The following ARHGAP15 variants were observed in gnomAD, a reference collection of about 807,000 sequenced individuals.
ARHGAP15 encodes the protein Rho GTPase activating protein 15.
A neutral mutation model predicts 63.7 loss-of-function variants in ARHGAP15; 51 were observed. That is an observed-to-expected ratio of 0.80 (90% CI 0.64 to 1.01). The LOEUF (loss-of-function observed/expected upper bound fraction) is 1.01, where lower values mean the gene tolerates loss of function less well. Ranked by LOEUF, ARHGAP15 falls within the 50% of genes least tolerant of loss-of-function variation. The pLI is 0.00. For synonymous variants in ARHGAP15, 191 were observed against 193.8 expected, an observed-to-expected ratio of 0.99 and a Z score of 0.12; for missense variants, 560 against 564.6, an observed-to-expected ratio of 0.99 and a Z score of 0.08.
intron 12 of ARHGAP15, among the ~76,000 whole-genome samples, chr2:143,681,111 A>G (rs758463643): frequency 7.7e-4 from 117 of 152,282 alleles, no homozygotes; most frequent in Non-Finnish European, 3.5e-4. Flanking sequence ...GTTAAACACC[A>G]TATGTGATGG....
chr2:143,387,908 T>TGC (rs986187973), intron 6 of ARHGAP15, among the ~76,000 whole-genome samples: 1 of 133,140 alleles, frequency 7.5e-6, no homozygotes, highest in Non-Finnish European at 1.7e-5. Flanking sequence ...CACGCATGCC[T>TGC]GCACACACAC....
rs139259059 is a variant in ARHGAP15 at position 143,134,632 on chromosome 2, C to CT, written c.-15+5186dup. ...ATATATGAAATGCTGTATTCCTTTT[C>CT]TTTTTTTTTTTTTTTTTTTTGAGAC... On this transcript the variant is annotated intron_variant, in intron 1 of 13. Transcript: ENST00000295095. 5.7e-3 allele frequency among the ~76,000 whole-genome samples: 685 copies of CT among 119,408 alleles called. 4 individuals are homozygous for CT. The highest frequency in any genetic ancestry group is 0.014 in the South Asian group (56 of 3,892). The allele number at this position is 119,408 out of a possible 152,430, so 78.3% of individuals were successfully genotyped here.
chr2:143,136,794 A>G (rs1467941188), intron 1 of ARHGAP15, among the ~76,000 whole-genome samples: 1 of 152,042 alleles, frequency 6.6e-6, no homozygotes, highest in Admixed American at 6.5e-5. Flanking sequence ...TTGAGGTTCT[A>G]TTGATATACT....
intron 8 of ARHGAP15, among the ~76,000 whole-genome samples, chr2:143,440,270 G>A (rs2105102903): frequency 6.6e-6 from 1 of 152,276 alleles, no homozygotes; most frequent in African/African-American, 2.4e-5. Context: ...AATACCCTGT[G>A]TGAAACCCCT....
chr2:143,220,064 T>C (rs1369442956), intron 4 of ARHGAP15, among the ~76,000 whole-genome samples: 9 of 152,244 alleles, frequency 5.9e-5, no homozygotes, highest in Admixed American at 5.2e-4. Flanking sequence ...AAGAACATGA[T>C]AATCCCATTA....
intron 6 of ARHGAP15, among the ~76,000 whole-genome samples, chr2:143,377,141 A>G (rs1277324390): frequency 6.6e-6 from 1 of 152,088 alleles, no homozygotes; most frequent in Non-Finnish European, 1.5e-5. Flanking sequence ...AATGTATCTT[A>G]AAACATTTGG....
At chr2:143,403,996 A>G (rs920356720) in intron 6 of ARHGAP15, among the ~76,000 whole-genome samples, 6 of 151,650 alleles carry the variant, frequency 4.0e-5, no homozygotes, top group African/African-American at 1.5e-4. Context: ...GTAGATTGCA[A>G]TTTCTCTAGT....
intron 6 of ARHGAP15, among the ~76,000 whole-genome samples, chr2:143,329,777 C>T (rs1489753012): frequency 2.6e-5 from 4 of 151,862 alleles, no homozygotes; most frequent in African/African-American, 9.7e-5. Flanking sequence ...TTTGCACATA[C>T]ACACCCCCCT....
At chr2:143,337,073 CAGAG>C (rs1474916554) in intron 6 of ARHGAP15, among the ~76,000 whole-genome samples, 1 of 151,772 alleles carries the variant, frequency 6.6e-6, no homozygotes, top group Non-Finnish European at 1.5e-5. Flanking sequence ...TCAAGGAGGA[CAGAG>C]GGAGGGAGTT....
chr2:143,579,421 T>C (rs1293534247), intron 11 of ARHGAP15, among the ~76,000 whole-genome samples: 1 of 152,184 alleles, frequency 6.6e-6, no homozygotes, highest in Non-Finnish European at 1.5e-5. Flanking sequence ...TACCATGTTT[T>C]TCTGTCCTTG....
chr2:143,453,635 A>C (rs1690509137), intron 8 of ARHGAP15, among the ~76,000 whole-genome samples: 1 of 152,000 alleles, frequency 6.6e-6, no homozygotes, highest in Admixed American at 6.6e-5. Context: ...TTGGACTTAC[A>C]GGGGAAAAAT....
At chr2:143,216,792 T>C (rs1692774458) in intron 4 of ARHGAP15, among the ~76,000 whole-genome samples, 1 of 152,210 alleles carries the variant, frequency 6.6e-6, no homozygotes, top group African/African-American at 2.4e-5. Flanking sequence ...CTCTATACAA[T>C]ACCTTGTGAG....
intron 13 of ARHGAP15, among the ~76,000 whole-genome samples, chr2:143,713,614 A>G (rs993779295): frequency 6.6e-6 from 1 of 152,222 alleles, no homozygotes; most frequent in African/African-American, 2.4e-5. Context: ...ACTTCTGCCT[A>G]TGAGCCTATA....
chr2:143,354,881 C>A (rs1232579060), intron 6 of ARHGAP15, among the ~76,000 whole-genome samples: 2 of 152,140 alleles, frequency 1.3e-5, no homozygotes, highest in Non-Finnish European at 2.9e-5. Flanking sequence ...CAAGTCAACT[C>A]ATTTGTTTTT....
intron 12 of ARHGAP15, chr2:143,641,165 A>G (rs1680579907): frequency 6.6e-6 from 1 of 152,178 alleles, no homozygotes; most frequent in East Asian, 1.9e-4. Context: ...ACCTCTTGGC[A>G]CCAGATTGGG....
At chr2:143,445,196 T>A (rs1690081900) in intron 8 of ARHGAP15, among the ~76,000 whole-genome samples, 3 of 130,096 alleles carry the variant, frequency 2.3e-5, no homozygotes, top group Non-Finnish European at 1.6e-5. Context: ...AGTCTCACTC[T>A]GTCACACAGG....
intron 8 of ARHGAP15, among the ~76,000 whole-genome samples, chr2:143,438,337 G>A (rs1024179889): frequency 6.6e-6 from 1 of 151,890 alleles, no homozygotes; most frequent in African/African-American, 2.4e-5. Flanking sequence ...TGTGCATTAA[G>A]AAATATATGT....
intron 2 of ARHGAP15, among the ~76,000 whole-genome samples, chr2:143,182,913 G>A (rs1691295036): frequency 1.3e-5 from 2 of 152,150 alleles, no homozygotes; most frequent in African/African-American, 2.4e-5. Flanking sequence ...AAGCAGCAGA[G>A]TGGTTCAGGG....
chr2:143,590,776 T>C (rs569238641), intron 11 of ARHGAP15, among the ~76,000 whole-genome samples: 53 of 152,348 alleles, frequency 3.5e-4, no homozygotes, highest in Non-Finnish European at 6.9e-4. Context: ...TACTTGGGCC[T>C]TCACTAGATG....
Sources: allele counts gnomAD v4.1 joint callset (sites outside exome capture counted in the v4.1 genomes callset), GRCh38; gene constraint gnomAD v4.1.1; transcripts MANE v1.5; gene names NCBI Gene and HGNC (gene_info 2026-07-23, HGNC 2026-07-21).